The following GPC5 variants were observed in gnomAD, a reference collection of about 807,000 sequenced individuals.
GPC5 encodes the protein glypican-5.
In GPC5, 47 loss-of-function variants were observed where a neutral mutation model predicts 53.9. The ratio of observed to expected loss-of-function variants is 0.87; its 90% confidence interval spans 0.69 to 1.11. GPC5 has a LOEUF of 1.11. GPC5 is among the 50% of genes most tolerant of loss of function. The probability of loss-of-function intolerance (pLI) is 0.00; values close to 1 mark genes in which losing one functional copy is unlikely to be tolerated. For missense variants in GPC5, 748 were observed against 713.1 expected, an observed-to-expected ratio of 1.05 and a Z score of -0.56; for synonymous variants, 286 against 263.3, an observed-to-expected ratio of 1.09 and a Z score of -0.84.
At chr13:92,712,544 C>T (rs1276142166) in intron 7 of GPC5, among the ~76,000 whole-genome samples, 2 of 151,666 alleles carry the variant, frequency 1.3e-5, no homozygotes, top group Non-Finnish European at 2.9e-5. Flanking sequence ...GTCTTTATAC[C>T]AAAACCACGA....
intron 5 of GPC5, among the ~76,000 whole-genome samples, chr13:91,848,899 T>C (rs1270355765): frequency 5.3e-5 from 8 of 152,216 alleles, no homozygotes; most frequent in East Asian, 3.8e-4. Context: ...TGAAAGTATA[T>C]TTTATGCAGT....
intron 7 of GPC5, among the ~76,000 whole-genome samples, chr13:92,408,996 G>C (rs1194118017): frequency 6.6e-6 from 1 of 151,918 alleles, no homozygotes; most frequent in African/African-American, 2.4e-5. Context: ...TCGAAGGTTT[G>C]TACAGTAAAT....
At chr13:91,863,035 C>G (rs1178517676) in intron 5 of GPC5, among the ~76,000 whole-genome samples, 1 of 138,482 alleles carries the variant, frequency 7.2e-6, no homozygotes, top group Non-Finnish European at 1.5e-5. Context: ...CCCCTTCTTT[C>G]TCCTTCCCTC....
intron 7 of GPC5, among the ~76,000 whole-genome samples, chr13:92,661,605 T>A (rs75272080): frequency 2.6e-3 from 400 of 152,336 alleles, no homozygotes; most frequent in Non-Finnish European, 5.0e-3. Flanking sequence ...TTTGGTTCTG[T>A]AATAATTTAA....
At chr13:92,310,545 A>G (rs1242126562) in intron 7 of GPC5, among the ~76,000 whole-genome samples, 3 of 152,174 alleles carry the variant, frequency 2.0e-5, no homozygotes, top group Non-Finnish European at 4.4e-5. Flanking sequence ...TGCTGGCTGA[A>G]TTTGATGGCC....
At chr13:91,725,554 A>T (rs2036559035) in intron 3 of GPC5, among the ~76,000 whole-genome samples, 1 of 152,202 alleles carries the variant, frequency 6.6e-6, no homozygotes, top group Non-Finnish European at 1.5e-5. Context: ...ATTTACTTGC[A>T]TTTATTAGAA....
At chr13:91,781,713 G>A (rs1056698853) in intron 5 of GPC5, among the ~76,000 whole-genome samples, 4 of 152,096 alleles carry the variant, frequency 2.6e-5, no homozygotes, top group Non-Finnish European at 4.4e-5. Flanking sequence ...CTGATAAGTC[G>A]AATCCACCCG....
Position 92,145,002 on chromosome 13 carries a change from T to G in GPC5, c.1561+13T>G. The G allele has an allele frequency of 1.5e-6, 2 of 1,365,372 alleles. No individual in the cohort carries two copies. The highest frequency in any genetic ancestry group is 1.9e-6 in the Non-Finnish European group (2 of 1,050,974). The allele number at this position is 1,365,372 out of a possible 1,614,324, so 84.6% of individuals were successfully genotyped here. ...AAGATCACAGACTGTAAGTGTATGA[T>G]TCTAACACCACTTTTTTAAAACAAT... On this transcript the variant is annotated intron_variant, in intron 7 of 7. Coordinates refer to ENST00000377067, the MANE Select transcript of GPC5 (RefSeq NM_004466.6).
At chr13:92,086,158 C>G (rs939588724) in intron 6 of GPC5, among the ~76,000 whole-genome samples, 1 of 152,186 alleles carries the variant, frequency 6.6e-6, no homozygotes, top group Non-Finnish European at 1.5e-5. Context: ...CTGGCATTGT[C>G]CTAACCCTGC....
intron 6 of GPC5, among the ~76,000 whole-genome samples, chr13:92,070,575 T>G (rs1299599528): frequency 6.6e-6 from 1 of 152,206 alleles, no homozygotes; most frequent in African/African-American, 2.4e-5. Flanking sequence ...TATAGGAAAT[T>G]TTTGTTGTTG....
chr13:92,518,503 C>A (rs1190487396), intron 7 of GPC5, among the ~76,000 whole-genome samples: 11 of 152,086 alleles, frequency 7.2e-5, no homozygotes, highest in Non-Finnish European at 1.2e-4. Context: ...ATTTTCAACC[C>A]AGAATTTCAT....
At chr13:91,785,073 G>C (rs2037857676) in intron 5 of GPC5, among the ~76,000 whole-genome samples, 1 of 152,146 alleles carries the variant, frequency 6.6e-6, no homozygotes, top group Non-Finnish European at 1.5e-5. Flanking sequence ...CATTCTCTTG[G>C]TTGTGATTCT....
At chr13:92,402,497 A>T (rs1875602361) in intron 7 of GPC5, among the ~76,000 whole-genome samples, 1 of 152,050 alleles carries the variant, frequency 6.6e-6, no homozygotes, top group African/African-American at 2.4e-5. Flanking sequence ...TTTCTTTATG[A>T]TATTGATCCC....
At chr13:91,608,136 G>C (rs986306174) in intron 2 of GPC5, among the ~76,000 whole-genome samples, 1 of 152,162 alleles carries the variant, frequency 6.6e-6, no homozygotes, top group East Asian at 1.9e-4. Flanking sequence ...CAAGTGACTT[G>C]TGTAGGGTAG....
At chr13:92,654,066 T>C (rs1360768079) in intron 7 of GPC5, among the ~76,000 whole-genome samples, 1 of 152,206 alleles carries the variant, frequency 6.6e-6, no homozygotes, top group African/African-American at 2.4e-5. Context: ...AAATAGATAT[T>C]TGTTGAATGT....
At chr13:92,037,022 A>G (rs1287757054) in intron 6 of GPC5, among the ~76,000 whole-genome samples, 5 of 152,208 alleles carry the variant, frequency 3.3e-5, no homozygotes, top group African/African-American at 1.2e-4. Flanking sequence ...TTTTTTAAAA[A>G]TGTAATTCAA....
intron 5 of GPC5, among the ~76,000 whole-genome samples, chr13:91,882,154 C>G (rs1426176015): frequency 1.3e-5 from 2 of 151,916 alleles, no homozygotes; most frequent in African/African-American, 4.8e-5. Flanking sequence ...GCTTGTTGTC[C>G]TGTTTTAACT....
intron 7 of GPC5, among the ~76,000 whole-genome samples, chr13:92,654,689 T>C (rs2139172148): frequency 6.6e-6 from 1 of 152,212 alleles, no homozygotes; most frequent in African/African-American, 2.4e-5. Flanking sequence ...AATATTCTCA[T>C]GTCATGTTAA....
At chr13:92,835,202 T>G (rs1409955797) in intron 7 of GPC5, among the ~76,000 whole-genome samples, 1 of 152,156 alleles carries the variant, frequency 6.6e-6, no homozygotes, top group South Asian at 2.1e-4. Context: ...ATTGTTTTCC[T>G]AAACACACTT....
Sources: allele counts gnomAD v4.1 joint callset (sites outside exome capture counted in the v4.1 genomes callset), GRCh38; gene constraint gnomAD v4.1.1; transcripts MANE v1.5; gene names NCBI Gene and HGNC (gene_info 2026-07-23, HGNC 2026-07-21).